CTNNA3: variants seen among roughly 807,000 people sequenced by gnomAD.
CTNNA3 encodes catenin alpha-3.
Under a neutral mutation model 95.7 loss-of-function variants are expected in CTNNA3, and 76 were observed. That is an observed-to-expected ratio of 0.79 (90% CI 0.66 to 0.96). CTNNA3 has a LOEUF of 0.96. Among genes scored for constraint, CTNNA3 ranks in the 40% least tolerant of loss-of-function variants. CTNNA3 has a pLI of 0.00. For synonymous variants in CTNNA3, 431 were observed against 374.4 expected (o/e 1.15, Z -1.74); for missense variants, 1,191 against 1,089.8 (o/e 1.09, Z -1.31).
At position 66,708,225 on chromosome 10, in the gene CTNNA3, C is replaced by CA. The variant is rs386371664; in HGVS notation, c.1281+58038dup. Among the ~76,000 whole-genome samples the CA allele has an allele frequency of 3.2e-3, 398 of 124,062 alleles. 1 individual carries two copies. Among genetic ancestry groups the CA allele is most frequent in the Middle Eastern group, 0.012 (3 of 242 alleles). 81.4% of individuals were successfully genotyped at this position (124,062 alleles called of 152,430 possible). On this transcript the variant is annotated intron_variant, in intron 9 of 17. Transcript: ENST00000433211. Reference sequence around the variant, plus strand: ...AGCTTTTTTGGCTTGCCAATGCTGCCAAAAAAAAAAAAACACCACTGACTG... The same window carrying CA: ...AGCTTTTTTGGCTTGCCAATGCTGCCAAAAAAAAAAAAAACACCACTGACTG...
chr10:67,737,768 A>G (rs1189619967), intron 1 of CTNNA3, among the ~76,000 whole-genome samples: 1 of 152,202 alleles, frequency 6.6e-6, no homozygotes, highest in African/African-American at 2.4e-5. Flanking sequence ...GGTGCTGGAG[A>G]GGATGTGGAG....
At chr10:67,093,416 T>C (rs1304139087) in intron 7 of CTNNA3, among the ~76,000 whole-genome samples, 1 of 151,910 alleles carries the variant, frequency 6.6e-6, no homozygotes, top group African/African-American at 2.4e-5. Context: ...GAGACCATGT[T>C]AATAAAAATT....
chr10:66,996,436 A>C (rs1851345604), intron 7 of CTNNA3, among the ~76,000 whole-genome samples: 1 of 152,052 alleles, frequency 6.6e-6, no homozygotes, highest in Non-Finnish European at 1.5e-5. Context: ...GCCTGGGCTC[A>C]GGAGTTTGAG....
chr10:66,631,711 G>A (rs1213284743), intron 9 of CTNNA3, among the ~76,000 whole-genome samples: 1 of 152,042 alleles, frequency 6.6e-6, no homozygotes, highest in Non-Finnish European at 1.5e-5. Flanking sequence ...CCCACTATAA[G>A]TGAGGTTAAT....
intron 5 of CTNNA3, among the ~76,000 whole-genome samples, chr10:67,248,833 A>G (rs531562780): frequency 1.7e-4 from 26 of 152,182 alleles, no homozygotes; most frequent in Non-Finnish European, 3.7e-4. Flanking sequence ...GTCTCAACCT[A>G]TTTATGCCTA....
intron 1 of CTNNA3, among the ~76,000 whole-genome samples, chr10:67,665,940 A>G (rs1296632152): frequency 2.0e-5 from 3 of 152,226 alleles, no homozygotes; most frequent in Non-Finnish European, 4.4e-5. Context: ...AAGTAGAAAG[A>G]AAAAATATAA....
chr10:66,564,942 G>A (rs897405256), intron 10 of CTNNA3, among the ~76,000 whole-genome samples: 1 of 152,150 alleles, frequency 6.6e-6, no homozygotes, highest in African/African-American at 2.4e-5. Flanking sequence ...AATAGCATTA[G>A]AACCTATGTA....
intron 6 of CTNNA3, among the ~76,000 whole-genome samples, chr10:67,197,054 T>C (rs1863406814): frequency 6.6e-6 from 1 of 152,080 alleles, no homozygotes; most frequent in Non-Finnish European, 1.5e-5. Context: ...AGATTGTCAT[T>C]AAAACTAAAG....
intron 7 of CTNNA3, among the ~76,000 whole-genome samples, chr10:67,094,783 A>T (rs1203781226): frequency 6.6e-6 from 1 of 151,758 alleles, no homozygotes; most frequent in East Asian, 1.9e-4. Flanking sequence ...AATTCAACAA[A>T]GACTTACCTG....
At position 67,452,035 on chromosome 10, in the gene CTNNA3, G is replaced by C. The variant is rs538106940; in HGVS notation, c.579+69807C>G. ...GGAAGAATAGGAAGAGGGAGAAAGG[G>C]ATGGAGGGAGGGAGGGAGGGAGGAA... is the stretch of plus-strand genomic sequence containing the variant. On this transcript the variant is annotated intron_variant, in intron 5 of 17. Transcript: ENST00000433211. 2.4e-3 allele frequency among the ~76,000 whole-genome samples: 340 copies of C among 138,964 alleles called. 6 individuals are homozygous for C. The highest frequency in any genetic ancestry group is 8.7e-3 in the African/African-American group (333 of 38,136). The allele number at this position is 138,964 out of a possible 152,430, so 91.2% of individuals were successfully genotyped here. A position where few individuals can be genotyped will look rare whatever the true frequency, so the allele number is the denominator to read the frequency against.
intron 16 of CTNNA3, among the ~76,000 whole-genome samples, chr10:65,986,644 A>G (rs1232150793): frequency 6.6e-6 from 1 of 151,724 alleles, no homozygotes; most frequent in African/African-American, 2.4e-5. Context: ...CCAGAGCAAT[A>G]TACAGATTCA....
At chr10:65,975,716 G>C (rs1284084567) in intron 16 of CTNNA3, among the ~76,000 whole-genome samples, 1 of 152,078 alleles carries the variant, frequency 6.6e-6, no homozygotes, top group African/African-American at 2.4e-5. Flanking sequence ...ATTTTAATTA[G>C]ATCTATTATT....
chr10:67,647,497 G>GT lies in CTNNA3; in HGVS notation c.16_17insA (p.Pro6HisfsTer81), dbSNP rs776492451. 28 of 1,612,992 alleles carry GT rather than the reference G, an allele frequency of 1.7e-5. No individual in the cohort carries two copies. Among genetic ancestry groups the GT allele is most frequent in the Non-Finnish European group, 2.3e-5 (27 of 1,179,370 alleles). ...CTGAGGATCGATATTCAATGTGATTGGTGTTTCAGCTGACATGCTGCCTGT... is the reference window on the plus strand; with the variant it reads ...CTGAGGATCGATATTCAATGTGATTGTGTGTTTCAGCTGACATGCTGCCTGT... On this transcript the variant is annotated frameshift_variant, in exon 2 of 18. Coordinates refer to ENST00000433211, the MANE Select transcript of CTNNA3 (RefSeq NM_013266.4). LOFTEE classifies it high-confidence loss of function.
chr10:66,449,094 C>A (rs1244996685), intron 11 of CTNNA3, among the ~76,000 whole-genome samples: 2 of 151,402 alleles, frequency 1.3e-5, no homozygotes, highest in Admixed American at 1.3e-4. Context: ...ATAAAAAAAG[C>A]AAATGTAAAA....
At chr10:66,967,839 A>C (rs1169115803) in intron 7 of CTNNA3, among the ~76,000 whole-genome samples, 1 of 152,096 alleles carries the variant, frequency 6.6e-6, no homozygotes, top group Non-Finnish European at 1.5e-5. Flanking sequence ...CGAAAGGTTC[A>C]ATTCTACAAC....
chr10:67,559,051 TG>T (rs1841371817), intron 3 of CTNNA3, among the ~76,000 whole-genome samples: 1 of 152,206 alleles, frequency 6.6e-6, no homozygotes, highest in Non-Finnish European at 1.5e-5. Flanking sequence ...GCTCCACCTC[TG>T]GGGGCAGGGC....
At chr10:66,706,503 T>C (rs930372761) in intron 9 of CTNNA3, among the ~76,000 whole-genome samples, 2 of 151,850 alleles carry the variant, frequency 1.3e-5, no homozygotes, top group South Asian at 2.1e-4. Context: ...TTATTGACTG[T>C]GTACATAAAC....
rs1393147651 is a variant in CTNNA3 at position 67,701,356 on chromosome 10, T to C, written c.-1-53842A>G. On this transcript the variant is annotated intron_variant, in intron 1 of 17. Coordinates refer to the CTNNA3 transcript ENST00000684154. ...ACCAAAGTTGAAATGAAGGAAAAAA[T>C]GGTAAGGGCAGCCAGAGACAAAGGT... 4.6e-5 allele frequency among the ~76,000 whole-genome samples: 7 copies of C among 150,688 alleles called. No individual in the cohort carries two copies. The South Asian group carries it at 1.3e-3, about 27-fold the overall frequency.
chr10:66,189,272 CAAAA>C (rs36036764), intron 13 of CTNNA3, among the ~76,000 whole-genome samples: 3 of 126,452 alleles, frequency 2.4e-5, no homozygotes, highest in African/African-American at 5.6e-5. Flanking sequence ...GGAGTTCTAT[CAAAA>C]AAAAAAAAAA....
Sources: gnomAD v4.1 joint callset for allele counts (sites outside exome capture counted in the v4.1 genomes callset) on GRCh38, gnomAD v4.1.1 for gene constraint, MANE v1.5 for transcripts, NCBI Gene and HGNC (gene_info 2026-07-23, HGNC 2026-07-21) for gene names.